Variants in ZFP82 observed in about 807,000 individuals in gnomAD.
The protein encoded by ZFP82 is ZFP82 zinc finger protein.
ZFP82 carries 30 observed loss-of-function variants against 54.0 expected under a neutral mutation model. The observed-to-expected ratio is 0.56, with a 90% CI of 0.42 to 0.75. The LOEUF (loss-of-function observed/expected upper bound fraction) is 0.75. Ranked by LOEUF, ZFP82 falls within the 30% of genes least tolerant of loss-of-function variation. The pLI is 0.00. For synonymous variants in ZFP82, 194 were observed against 209.5 expected (o/e 0.93, Z 0.64); for missense variants, 500 against 636.8 (o/e 0.79, Z 2.31).
chr19:36,396,503 A>C (rs1340615512), intron 4 of ZFP82, among the ~76,000 whole-genome samples: 2 of 151,974 alleles, frequency 1.3e-5, no homozygotes, highest in Non-Finnish European at 2.9e-5. Flanking sequence ...CACACACACA[A>C]AAATGAGCTG....
intron 1 of ZFP82, among the ~76,000 whole-genome samples, chr19:36,417,074 A>T (rs1240163049): frequency 1.0e-3 from 18 of 17,988 alleles, no homozygotes; most frequent in Non-Finnish European, 1.9e-3. Flanking sequence ...CCCTGTCTCA[A>T]AAAAAAAAAA....
rs1431775518 is a variant in ZFP82, at chr19:36,407,887, C to T, written c.136G>A (p.Gly46Arg). The change falls in exon 3 of 5, where the codon GGA becomes AGA. Residue 46 changes from glycine (G) to arginine (R), a missense_variant and splice_region_variant. Gly to Arg is a moderately radical substitution (Grantham distance 125). Coordinates refer to ENST00000392161, the MANE Select transcript of ZFP82 (RefSeq NM_133466.4). ...AATTCCTAGAAGCAGATAACCTTAC[C>T]CAGTGAGACCAAGTTGCTGTAGTTC... ...LENYSNLVSL[G>R]CFISKPDVIS... 3 of 1,613,800 alleles carry T rather than the reference C, an allele frequency of 1.9e-6. 1 individual carries two copies. The South Asian group carries it at 3.3e-5, about 18-fold the overall frequency.
At chr19:36,397,668 G>C (rs531099167) in intron 4 of ZFP82, among the ~76,000 whole-genome samples, 1 of 151,214 alleles carries the variant, frequency 6.6e-6, no homozygotes, top group Non-Finnish European at 1.5e-5. Context: ...CTGGCCCCCC[G>C]CCACGCCCCA....
chr19:36,410,463 A>G (rs1021694236), intron 1 of ZFP82, among the ~76,000 whole-genome samples: 16 of 147,264 alleles, frequency 1.1e-4, no homozygotes, highest in Admixed American at 3.4e-4. Context: ...ATGTGTGTGT[A>G]TATATATATA....
Position 36,393,397 on chromosome 19 carries a change from A to G in ZFP82, c.943T>C (p.Cys315Arg), listed in dbSNP as rs1297184071. ...SADRLYECKE[C>R]GKAFLCGSGL... ...GAGCCACACAAAAAGGCCTTCCCAC[A>G]TTCTTTGCATTCATAGAGCCTGTCA... Residue 315 changes from cysteine (C) to arginine (R), a missense_variant, in exon 5 of 5, where the codon TGT becomes CGT. By Grantham distance (180) the Cys-to-Arg change is radical. Coordinates refer to ENST00000392161, the MANE Select transcript of ZFP82 (RefSeq NM_133466.4). 4 of 1,613,930 alleles carry G rather than the reference A, an allele frequency of 2.5e-6. No homozygotes were observed. Among genetic ancestry groups the G allele is most frequent in the African/African-American group, 2.7e-5 (2 of 74,890 alleles).
intron 1 of ZFP82, 30 bp downstream of exon 1, chr19:36,418,462 C>T (rs1040908497): frequency 1.7e-4 from 26 of 152,394 alleles, no homozygotes; most frequent in Non-Finnish European, 2.8e-4. Flanking sequence ...GGCTCCCGCC[C>T]CTCTGCGATA....
chr19:36,408,167 A>G (rs1447607081), intron 2 of ZFP82, among the ~76,000 whole-genome samples, 154 bp from the exon 3 acceptor site: 1 of 152,216 alleles, frequency 6.6e-6, no homozygotes, highest in Non-Finnish European at 1.5e-5. Context: ...TCAGGAAATG[A>G]GTGTGCCTGA....
intron 4 of ZFP82, among the ~76,000 whole-genome samples, chr19:36,399,301 C>T (rs1368356701): frequency 6.6e-6 from 1 of 152,164 alleles, no homozygotes; most frequent in Non-Finnish European, 1.5e-5. Context: ...TGCACAGAAG[C>T]TAAGGGTGCC....
At chr19:36,408,414 C>A (rs923185914) in intron 2 of ZFP82, among the ~76,000 whole-genome samples, 1 of 152,130 alleles carries the variant, frequency 6.6e-6, no homozygotes, top group Non-Finnish European at 1.5e-5. Context: ...GTCTCCCTCC[C>A]TACAATATCT....
chr19:36,409,407 C>T (rs1025791233), intron 2 of ZFP82, among the ~76,000 whole-genome samples: 1 of 152,092 alleles, frequency 6.6e-6, no homozygotes, highest in Non-Finnish European at 1.5e-5. Flanking sequence ...GGAGGGATTA[C>T]AGGTGCAAGC....
chr19:36,391,598 A>C lies in ZFP82; in HGVS notation c.*1143T>G, dbSNP rs1469612924. The C allele has an allele frequency of 6.6e-6, 1 of 151,850 alleles. No individual in the cohort carries two copies. Among genetic ancestry groups the C allele is most frequent in the African/African-American group, 2.4e-5 (1 of 41,292 alleles). The allele number at this position is 151,850 out of a possible 1,614,324, so 9.4% of individuals were successfully genotyped here. A position where few individuals can be genotyped will look rare whatever the true frequency, so the allele number is the denominator to read the frequency against. On this transcript the variant is annotated 3_prime_UTR_variant, in exon 5 of 5. Transcript: ENST00000392161. ...CCTCCCACCTCAGCCTCGAGTAGCTAGGACTACAGGCATGCACCATTATGC... is the reference window on the plus strand; with the variant it reads ...CCTCCCACCTCAGCCTCGAGTAGCTCGGACTACAGGCATGCACCATTATGC...
At chr19:36,405,725 A>G in intron 3 of ZFP82, 53 bp from the exon 4 acceptor site, 2 of 1,314,606 alleles carry the variant, frequency 1.5e-6, no homozygotes, top group African/African-American at 1.5e-5. Context: ...ATAAATCAAA[A>G]TTACTTTGAT....
At chr19:36,397,522 T>C (rs1436828444) in intron 4 of ZFP82, among the ~76,000 whole-genome samples, 1 of 152,106 alleles carries the variant, frequency 6.6e-6, no homozygotes, top group Non-Finnish European at 1.5e-5. Context: ...CAGATGACTA[T>C]GCTAATAAAT....
chr19:36,405,689 G>A lies in ZFP82; in HGVS notation c.137-17C>T, dbSNP rs760203195. The stretch of plus-strand genomic sequence containing the variant: ...TGAAGCATCCTGCTTAGAAGAAAAG[G>A]AATATAAGGTACATGAAAATAAAAA... On this transcript the variant is annotated splice_polypyrimidine_tract_variant and intron_variant, in intron 3 of 4. Coordinates refer to ENST00000392161, the MANE Select transcript of ZFP82 (RefSeq NM_133466.4). 7 of 1,556,504 alleles carry A rather than the reference G, an allele frequency of 4.5e-6. No homozygotes were observed. The highest frequency in any genetic ancestry group is 6.1e-6 in the Non-Finnish European group (7 of 1,139,946).
rs942533831 is a variant in ZFP82, at chr19:36,389,226, C to A, written c.*3515G>T. On this transcript the variant is annotated 3_prime_UTR_variant, in exon 5 of 5. Coordinates refer to ENST00000392161, the MANE Select transcript of ZFP82 (RefSeq NM_133466.4). Reference sequence around the variant, plus strand: ...CTAATTTTTGTATTTTTAGTAGAGACAGAGTTTCACCATGTTGGCCAGGAT... The same window carrying A: ...CTAATTTTTGTATTTTTAGTAGAGAAAGAGTTTCACCATGTTGGCCAGGAT... Among the ~76,000 whole-genome samples, 18 of 151,962 alleles carry A rather than the reference C, an allele frequency of 1.2e-4. No individual in the cohort carries two copies. Among genetic ancestry groups the A allele is most frequent in the African/African-American group, 4.4e-4 (18 of 41,352 alleles).
intron 4 of ZFP82, among the ~76,000 whole-genome samples, chr19:36,404,560 T>C (rs754858889): frequency 6.6e-6 from 1 of 152,220 alleles, no homozygotes; most frequent in African/African-American, 2.4e-5. Context: ...TTTTAATGCA[T>C]AGGTCCTAGT....
At chr19:36,418,006 C>T (rs542436739) in intron 1 of ZFP82, among the ~76,000 whole-genome samples, 100 of 152,242 alleles carry the variant, frequency 6.6e-4, no homozygotes, top group Non-Finnish European at 8.7e-4. Context: ...TCAATCTCCT[C>T]CTAGGCTCAA....
In ZFP82 at chr19:36,393,483, T is replaced by G. The variant is rs1166923237; in HGVS notation, c.857A>C (p.Glu286Ala). Residue 286 changes from glutamate (E) to alanine (A), a missense_variant, in exon 5 of 5, where the codon GAG (glutamate) becomes GCG (alanine). Glu to Ala is a moderately radical substitution (Grantham distance 107). Transcript: ENST00000392161. ...GTACTGTCTAAAGGCTTTTCCACAC[T>G]CTTTACACACATAGGGTTTCTCACC... ...HTGEKPYVCK[E>A]CGKAFRQYAH... 2 of 1,614,130 alleles carry G rather than the reference T, an allele frequency of 1.2e-6. No homozygotes were observed. The highest frequency in any genetic ancestry group is 1.7e-6 in the Non-Finnish European group (2 of 1,180,026).
Position 36,407,932 on chromosome 19 carries a change from A to C in ZFP82, c.91T>G (p.Tyr31Asp). 6.2e-7 allele frequency: 1 copy of C among 1,614,206 alleles called. No individual in the cohort carries two copies. The highest frequency in any genetic ancestry group is 8.5e-7 in the Non-Finnish European group (1 of 1,180,010). Residue 31 changes from tyrosine to aspartate, a missense_variant, in exon 3 of 5, where the codon TAC (tyrosine) becomes GAC (aspartate). Transcript: ENST00000392161. Reference sequence around the variant, plus strand: ...TAGTTCTCCAACATGACATCTCTGTACAAGTCCTTTTGTTCCAAGTCCAGG... The same window carrying C: ...TAGTTCTCCAACATGACATCTCTGTCCAAGTCCTTTTGTTCCAAGTCCAGG... Reference protein sequence around the residue: ...EYLDLEQKDLYRDVMLENYSN... With the variant: ...EYLDLEQKDLDRDVMLENYSN...
Sources: gnomAD v4.1 joint callset for allele counts (sites outside exome capture counted in the v4.1 genomes callset) on GRCh38, gnomAD v4.1.1 for gene constraint, MANE v1.5 for transcripts, NCBI Gene and HGNC (gene_info 2026-07-23, HGNC 2026-07-21) for gene names.